AIG1: variants seen among roughly 807,000 people sequenced by gnomAD.
The protein encoded by AIG1 is androgen-induced gene 1 protein.
In AIG1, 23 loss-of-function variants were observed where a neutral mutation model predicts 31.4. That is an observed-to-expected ratio of 0.73 (90% CI 0.53 to 1.04). The LOEUF is 1.04. AIG1 is among the 50% of genes least tolerant of loss of function. The pLI, the probability that AIG1 is intolerant of heterozygous loss-of-function variation, is 0.00. For missense variants in AIG1, 274 were observed against 295.0 expected (o/e 0.93, Z 0.52); for synonymous variants, 100 against 110.5 (o/e 0.90, Z 0.60).
At chr6:143,246,619 G>T (rs1006155001) in intron 3 of AIG1, among the ~76,000 whole-genome samples, 6 of 152,204 alleles carry the variant, frequency 3.9e-5, no homozygotes, top group African/African-American at 1.4e-4. Flanking sequence ...ACAGAAATTT[G>T]CATTGAATGA....
At chr6:143,335,258 G>A in intron 5 of AIG1, 1 of 681,814 alleles carries the variant, frequency 1.5e-6, no homozygotes, top group Non-Finnish European at 2.1e-6. Flanking sequence ...TTTTGGCTGG[G>A]CGCAGTGGCT....
chr6:143,208,879 G>A (rs1562490999), intron 3 of AIG1, among the ~76,000 whole-genome samples: 1 of 152,058 alleles, frequency 6.6e-6, no homozygotes, highest in African/African-American at 2.4e-5. Flanking sequence ...AAATGAAGGT[G>A]GTGGAGTGCT....
intron 1 of AIG1, among the ~76,000 whole-genome samples, chr6:143,064,238 C>T (rs1395424590): frequency 6.6e-6 from 1 of 152,100 alleles, no homozygotes; most frequent in African/African-American, 2.4e-5. Flanking sequence ...TGAGTTATCC[C>T]ATTGGGCCCA....
chr6:143,108,212 G>C (rs1387374307), intron 1 of AIG1, among the ~76,000 whole-genome samples: 1 of 152,110 alleles, frequency 6.6e-6, no homozygotes, highest in Non-Finnish European at 1.5e-5. Flanking sequence ...TGATTTAGAA[G>C]CACTAGACTC....
intron 3 of AIG1, among the ~76,000 whole-genome samples, chr6:143,211,871 C>A (rs1185803079): frequency 4.7e-5 from 7 of 149,962 alleles, no homozygotes; most frequent in African/African-American, 1.7e-4. Flanking sequence ...CCTGTGTGGG[C>A]AACAGAGCGA....
intron 1 of AIG1, among the ~76,000 whole-genome samples, chr6:143,111,905 C>T: frequency 6.6e-6 from 1 of 152,098 alleles, no homozygotes; most frequent in East Asian, 1.9e-4. Context: ...TTTCTGTTCC[C>T]AAATAGCCTT....
intron 2 of AIG1, 58 bp downstream of exon 2, chr6:143,137,048 T>C: frequency 7.6e-7 from 1 of 1,314,124 alleles, no homozygotes; most frequent in Non-Finnish European, 9.8e-7. Context: ...TATTTCAGAC[T>C]TCTAAGAGAA....
At chr6:143,311,402 T>C (rs1290982439) in intron 4 of AIG1, among the ~76,000 whole-genome samples, 1 of 151,798 alleles carries the variant, frequency 6.6e-6, no homozygotes, top group Admixed American at 6.6e-5. Flanking sequence ...ACCCCATAAA[T>C]ATATGTACAA....
chr6:143,136,749 ATGT>A, intron 1 of AIG1, 83 bp from the exon 2 acceptor site: 1 of 1,179,960 alleles, frequency 8.5e-7, no homozygotes, highest in Non-Finnish European at 1.1e-6. Flanking sequence ...ATTAGATGTC[ATGT>A]TGTACACCAG....
intron 1 of AIG1, among the ~76,000 whole-genome samples, chr6:143,067,808 C>CTGTTTTT (rs1365105978): frequency 6.6e-6 from 1 of 151,976 alleles, no homozygotes; most frequent in Non-Finnish European, 1.5e-5. Flanking sequence ...GGATTTTTTT[C>CTGTTTTT]TGTTTTTTGT....
intron 2 of AIG1, among the ~76,000 whole-genome samples, chr6:143,157,998 G>A (rs1335805456): frequency 6.6e-6 from 1 of 152,182 alleles, no homozygotes; most frequent in African/African-American, 2.4e-5. Flanking sequence ...ACAGACTAGG[G>A]AATGGAGCTA....
chr6:143,068,103 A>G (rs985948111), intron 1 of AIG1, among the ~76,000 whole-genome samples: 1 of 152,194 alleles, frequency 6.6e-6, no homozygotes, highest in Non-Finnish European at 1.5e-5. Context: ...AATGGTATTG[A>G]AATTACAGAA....
chr6:143,258,563 T>C lies in AIG1; in HGVS notation c.400-25547T>C, dbSNP rs1795524609. Among the ~76,000 whole-genome samples, 1 of 152,166 alleles carries C rather than the reference T, an allele frequency of 6.6e-6. No homozygotes were observed. Among genetic ancestry groups the C allele is most frequent in the Non-Finnish European group, 1.5e-5 (1 of 68,030 alleles). ...TGCAGCCTCTGCCAGCTAATGGAGG[T>C]ATTTTATGGGCTTTATTGGCAGAGA... is the stretch of plus-strand genomic sequence containing the variant. On this transcript the variant is annotated intron_variant, in intron 3 of 5. Coordinates refer to ENST00000357847, the MANE Select transcript of AIG1 (RefSeq NM_016108.4). The surrounding 1 kb of genome is among the most constrained non-coding windows in gnomAD (Gnocchi z 4.7).
chr6:143,155,720 G>A (rs1470455558), intron 2 of AIG1, among the ~76,000 whole-genome samples: 1 of 152,136 alleles, frequency 6.6e-6, no homozygotes, highest in Non-Finnish European at 1.5e-5. Flanking sequence ...AACGCACAAA[G>A]GAATGGATAC....
At chr6:143,088,646 C>T (rs747115295) in intron 1 of AIG1, among the ~76,000 whole-genome samples, 3 of 152,158 alleles carry the variant, frequency 2.0e-5, no homozygotes, top group Non-Finnish European at 4.4e-5. Context: ...GAACAAAGAC[C>T]TCATGTTTCC....
intron 4 of AIG1, among the ~76,000 whole-genome samples, chr6:143,304,935 T>G (rs1799137775): frequency 6.6e-6 from 1 of 152,254 alleles, no homozygotes; most frequent in Non-Finnish European, 1.5e-5. Context: ...AGATTCAACT[T>G]CTTCCTGGTT....
chr6:143,200,542 A>G lies in AIG1; in HGVS notation c.399+35359A>G, dbSNP rs555165197. On this transcript the variant is annotated intron_variant, in intron 3 of 5. Transcript: ENST00000357847. ...AGAATGTTTCCACTGCTTGACTTCC[A>G]TTCATCTTTCAACCGACTCTGAATC... 5.3e-5 allele frequency among the ~76,000 whole-genome samples: 8 copies of G among 152,028 alleles called. 1 individual carries two copies. The South Asian group carries it at 1.7e-3, about 32-fold the overall frequency.
At chr6:143,295,366 A>G (rs1187161848) in intron 4 of AIG1, among the ~76,000 whole-genome samples, 1 of 152,172 alleles carries the variant, frequency 6.6e-6, no homozygotes, top group East Asian at 1.9e-4. Context: ...CCTTGCTCCA[A>G]GACTGTGGAT....
At chr6:143,343,353 G>A (rs1281115033), downstream of AIG1, 1 of 586,440 alleles carries the variant, frequency 1.7e-6, no homozygotes, top group Non-Finnish European at 3.4e-6. Context: ...GAGGACTAAT[G>A]CCCCCCCAAA....
Sources: allele counts gnomAD v4.1 joint callset (sites outside exome capture counted in the v4.1 genomes callset), GRCh38; gene constraint gnomAD v4.1.1; non-coding constraint Gnocchi (gnomAD v3.1); transcripts MANE v1.5; gene names NCBI Gene and HGNC (gene_info 2026-07-23, HGNC 2026-07-21).